The following ZER1 variants were observed in gnomAD, a reference collection of about 807,000 sequenced individuals.
ZER1 encodes zyg-11 related cell cycle regulator.
A neutral mutation model predicts 78.8 loss-of-function variants in ZER1; 11 were observed. That is an observed-to-expected ratio of 0.14 (90% CI 0.09 to 0.23). The LOEUF (loss-of-function observed/expected upper bound fraction) is 0.23, where lower values mean the gene tolerates loss of function less well. Ranked by LOEUF, ZER1 falls within the 10% of genes least tolerant of loss-of-function variation. ZER1 has a pLI of 1.00. For missense variants in ZER1, 588 were observed against 996.9 expected (o/e 0.59, Z 5.52); for synonymous variants, 400 against 407.0 (o/e 0.98, Z 0.21).
At position 128,753,727 on chromosome 9, in the gene ZER1, T is replaced by G. The variant is rs1281431124; in HGVS notation, c.309+82A>C. ...CAGTCACGGTGCACACTGGCTGGGC[T>G]GGGGATGGCTGGGCTGGAGGCGAGC... On this transcript the variant is annotated intron_variant, in intron 3 of 15. Transcript: ENST00000291900. This position sits in a 1 kb window ranked among gnomAD's most constrained non-coding sequence, Gnocchi z 7.5. 6.4e-7 allele frequency: 1 copy of G among 1,560,460 alleles called. No homozygotes were observed. The highest frequency in any genetic ancestry group is 8.7e-7 in the Non-Finnish European group (1 of 1,153,108).
intron 9 of ZER1, among the ~76,000 whole-genome samples, chr9:128,742,305 A>C (rs1863329099): frequency 6.6e-6 from 1 of 152,230 alleles, no homozygotes; most frequent in East Asian, 1.9e-4. Context: ...AGGGACTGGG[A>C]CAGGATGACA....
At position 128,751,160 on chromosome 9, in the gene ZER1, G is replaced by T; in HGVS notation, c.1147C>A (p.Arg383Ser). 6.2e-7 allele frequency: 1 copy of T among 1,604,778 alleles called. No homozygotes were observed. The highest frequency in any genetic ancestry group is 2.2e-5 in the East Asian group (1 of 44,454). The part of the protein sequence containing the change: ...RAINLLFDIA[R>S]IERCNQLLRA... ...AGCAGCTGGTTGCAACGCTCGATGC[G>T]GGCGATGTCAAAAAGCAAGTTGATG... The change falls in exon 7 of 16, where the codon CGC (arginine) becomes AGC (serine). Residue 383 changes from arginine to serine, a missense_variant. Physicochemically the swap from Arg to Ser is moderately radical, Grantham distance 110. Transcript: ENST00000291900. This position sits in a 1 kb window ranked among gnomAD's most constrained non-coding sequence, Gnocchi z 5.4.
chr9:128,756,550 G>A (rs769617640), intron 1 of ZER1, among the ~76,000 whole-genome samples: 8 of 152,200 alleles, frequency 5.3e-5, no homozygotes, highest in Non-Finnish European at 1.2e-4. Context: ...TATTCATACA[G>A]TGGAATATTA....
chr9:128,735,415 G>T lies in ZER1; in HGVS notation c.2059C>A (p.Leu687Ile). 1.2e-6 allele frequency: 2 copies of T among 1,614,052 alleles called. No individual in the cohort carries two copies. Among genetic ancestry groups the T allele is most frequent in the East Asian group, 2.2e-5 (1 of 44,880 alleles). Residue 687 changes from leucine (L) to isoleucine (I), a missense_variant, in exon 14 of 16, where the codon CTC (leucine) becomes ATC (isoleucine). Around this residue, in one of 3 missense-constraint regions of ZER1, gnomAD observed 122 missense variants for 173.5 expected, o/e 0.70. Coordinates refer to ENST00000291900, the MANE Select transcript of ZER1 (RefSeq NM_006336.4). ...NINYRSFEPI[L>I]RLLPQGISPV... ...GAGATTCCCTGGGGAAGGAGGCGGA[G>T]AATTGGTTCAAATGACCTGCAGGAA...
chr9:128,755,284 C>A lies in ZER1; in HGVS notation c.158+124G>T, dbSNP rs1863819683. 7.3e-7 allele frequency: 1 copy of A among 1,369,058 alleles called. No homozygotes were observed. The highest frequency in any genetic ancestry group is 1.0e-6 in the Non-Finnish European group (1 of 980,804). The allele number at this position is 1,369,058 out of a possible 1,614,324, so 84.8% of individuals were successfully genotyped here. A position where few individuals can be genotyped will look rare whatever the true frequency, so the allele number is the denominator to read the frequency against. ...TTGCAGCCATGAACATCCATGTGCA[C>A]ACACACACACCCTCACACATTCATC... On this transcript the variant is annotated intron_variant, in intron 2 of 15. Transcript: ENST00000291900. This position sits in a 1 kb window ranked among gnomAD's most constrained non-coding sequence, Gnocchi z 5.6.
At chr9:128,765,260 C>T (rs990297282) in intron 1 of ZER1, among the ~76,000 whole-genome samples, 1 of 152,154 alleles carries the variant, frequency 6.6e-6, no homozygotes, top group African/African-American at 2.4e-5. Flanking sequence ...CGTGCGCAAG[C>T]GCGCACGCAC....
In ZER1 at chr9:128,740,135, C is replaced by G. The variant is rs762824246; in HGVS notation, c.1854-16G>C. 1.3e-6 allele frequency: 2 copies of G among 1,576,166 alleles called. No individual in the cohort carries two copies. Among genetic ancestry groups the G allele is most frequent in the African/African-American group, 1.4e-5 (1 of 73,840 alleles). On this transcript the variant is annotated splice_polypyrimidine_tract_variant and intron_variant, in intron 12 of 15. Transcript: ENST00000291900. This position sits in a 1 kb window ranked among gnomAD's most constrained non-coding sequence, Gnocchi z 4.4. ...CAACAGGTTGCTGCCAGGAGAAAGA[C>G]AGAAAAATGGAGTCCCACTCCCCCA...
At position 128,755,205 on chromosome 9, in the gene ZER1, ACAC is replaced by A. The variant is rs771730138; in HGVS notation, c.158+200_158+202del. ...TTCACGTGCACACCCCTCCACACAC[ACAC>A]CAACACACACACATATACACCTTTA... On this transcript the variant is annotated intron_variant, in intron 2 of 15. Coordinates refer to ENST00000291900, the MANE Select transcript of ZER1 (RefSeq NM_006336.4). This position sits in a 1 kb window ranked among gnomAD's most constrained non-coding sequence, Gnocchi z 5.6. Among the ~76,000 whole-genome samples the A allele has an allele frequency of 5.3e-5, 8 of 152,190 alleles. No individual in the cohort carries two copies. The highest frequency in any genetic ancestry group is 2.1e-4 in the South Asian group (1 of 4,826).
chr9:128,742,173 C>T (rs1863324212), intron 9 of ZER1, among the ~76,000 whole-genome samples: 1 of 152,230 alleles, frequency 6.6e-6, no homozygotes, highest in African/African-American at 2.4e-5. Context: ...TTCCTTTCAC[C>T]AGTGATATTT....
intron 13 of ZER1, among the ~76,000 whole-genome samples, chr9:128,738,474 C>T (rs1863169347): frequency 6.7e-6 from 1 of 149,508 alleles, no homozygotes; most frequent in Non-Finnish European, 1.5e-5. Context: ...CAAGCTCCGC[C>T]TCCCAGGTTC....
At chr9:128,756,929 A>G (rs553352915) in intron 1 of ZER1, among the ~76,000 whole-genome samples, 1 of 152,342 alleles carries the variant, frequency 6.6e-6, no homozygotes, top group South Asian at 2.1e-4. Flanking sequence ...GAAGTCTCCT[A>G]CTAGCTTCAT....
At chr9:128,731,436 G>A (rs1316994605) in intron 15 of ZER1, 42 bp from the exon 16 acceptor site, 1 of 1,369,750 alleles carries the variant, frequency 7.3e-7, no homozygotes, top group East Asian at 2.3e-5. Context: ...GTGGGCTTGG[G>A]TGGGGGTGAG....
In ZER1 at chr9:128,750,628, G is replaced by A. The variant is rs1863644398; in HGVS notation, c.1347C>T (p.Tyr449=). The change falls in exon 8 of 16, where the codon TAC becomes TAT. Residue 449 remains tyrosine (Y), a synonymous_variant. Transcript: ENST00000291900. ...IQVVLNGMES[Y]QEVTVQRNCC... is the part of the protein sequence containing the mutation. The stretch of plus-strand genomic sequence containing the variant: ...GGTGGGGGCTCACCGTCACCTCCTG[G>A]TAGGATTCCATGCCATTCAGCACCA... 6.2e-7 allele frequency: 1 copy of A among 1,614,092 alleles called. No homozygotes were observed. Among genetic ancestry groups the A allele is most frequent in the Non-Finnish European group, 8.5e-7 (1 of 1,179,932 alleles).
In ZER1 at chr9:128,751,376, C is replaced by T; in HGVS notation, c.1038+37G>A. On this transcript the variant is annotated intron_variant, in intron 6 of 15. Coordinates refer to ENST00000291900, the MANE Select transcript of ZER1 (RefSeq NM_006336.4). This position sits in a 1 kb window ranked among gnomAD's most constrained non-coding sequence, Gnocchi z 5.4. The stretch of plus-strand genomic sequence containing the variant: ...ATCCAGCTCCTTCTCTCTCCCAAGG[C>T]TCCCTGGCCCAGACCCATCCCACTT... 2 of 1,613,552 alleles carry T rather than the reference C, an allele frequency of 1.2e-6. No homozygotes were observed. Among genetic ancestry groups the T allele is most frequent in the African/African-American group, 2.7e-5 (2 of 75,034 alleles).
chr9:128,742,465 A>C, intron 9 of ZER1, 65 bp downstream of exon 9: 1 of 1,577,958 alleles, frequency 6.3e-7, no homozygotes, highest in South Asian at 1.1e-5. Context: ...ACTCTCGCTC[A>C]GGGTAGAGGG....
Position 128,732,070 on chromosome 9 carries a change from A to G in ZER1, c.2244-676T>C, listed in dbSNP as rs1270401770. On this transcript the variant is annotated intron_variant, in intron 15 of 15. Transcript: ENST00000291900. This position sits in a 1 kb window ranked among gnomAD's most constrained non-coding sequence, Gnocchi z 4.8. ...CTCTGTGTGTTAAAGGGATGCCCCA[A>G]TACCTTTTAGGAAACAAATACCCAG... is the stretch of plus-strand genomic sequence containing the variant. Among the ~76,000 whole-genome samples the G allele has an allele frequency of 6.6e-6, 1 of 152,242 alleles. No homozygotes were observed. The highest frequency in any genetic ancestry group is 1.5e-5 in the Non-Finnish European group (1 of 68,052).
chr9:128,769,001 A>G (rs910334291), intron 1 of ZER1, among the ~76,000 whole-genome samples: 3 of 152,176 alleles, frequency 2.0e-5, no homozygotes, highest in Admixed American at 2.0e-4. Flanking sequence ...ACTGGTCTCA[A>G]ACTCCTGGCC....
At chr9:128,739,842 G>A in intron 13 of ZER1, 89 bp downstream of exon 13, 1 of 1,470,222 alleles carries the variant, frequency 6.8e-7, no homozygotes, top group Non-Finnish European at 9.2e-7. Context: ...GAAGGTGGGA[G>A]CTCTGAGCAG....
In ZER1 at chr9:128,730,167, C is replaced by T. The variant is rs114839854; in HGVS notation, c.*1170G>A. 0.022 allele frequency: 3,369 copies of T among 152,740 alleles called. 111 individuals carry two copies. Among genetic ancestry groups the T allele is most frequent in the African/African-American group, 0.076 (3,169 of 41,582 alleles). 9.5% of individuals were successfully genotyped at this position (152,740 alleles called of 1,614,324 possible). A position where few individuals can be genotyped will look rare whatever the true frequency, so the allele number is the denominator to read the frequency against. ...GTTAGCGCTGCTCCCCAGGCCCCTGCGCTCCACAAGTGTCCGATGAGAAGC... is the reference window on the plus strand; with the variant it reads ...GTTAGCGCTGCTCCCCAGGCCCCTGTGCTCCACAAGTGTCCGATGAGAAGC... On this transcript the variant is annotated 3_prime_UTR_variant, in exon 16 of 16. Coordinates refer to ENST00000291900, the MANE Select transcript of ZER1 (RefSeq NM_006336.4).
Sources: gnomAD v4.1 joint callset for allele counts (sites outside exome capture counted in the v4.1 genomes callset) on GRCh38, gnomAD v4.1.1 for gene constraint, gnomAD v4.1.1 regional missense constraint, Gnocchi (gnomAD v3.1) non-coding constraint, MANE v1.5 for transcripts, NCBI Gene and HGNC (gene_info 2026-07-23, HGNC 2026-07-21) for gene names.